ZNF837: variants seen among roughly 807,000 people sequenced by gnomAD.
ZNF837 encodes the protein zinc finger protein 837.
For synonymous variants in ZNF837, 475 were observed against 365.2 expected (o/e 1.30, Z -3.43); for missense variants, 955 against 801.7 (o/e 1.19, Z -2.31).
At position 58,367,846 on chromosome 19, in the gene ZNF837, G is replaced by A. The variant is rs766634854; in HGVS notation, c.1487C>T (p.Thr496Met). The stretch of plus-strand genomic sequence containing the variant: ...CGCGTAGGGCCGCTCGCCCGTGTGC[G>A]TGCGCAGGTGGCGCACCAGGCTGCA... Reference protein sequence around the residue: ...RNCSLVRHLRTHTGERPYACG... With the variant: ...RNCSLVRHLRMHTGERPYACG... Residue 496 changes from threonine to methionine, a missense_variant, in exon 3 of 3, where the codon ACG becomes ATG. Physicochemically the swap from Thr to Met is moderately conservative, Grantham distance 81 (BLOSUM62 -1). Transcript: ENST00000597582. 6.5e-6 allele frequency: 10 copies of A among 1,533,670 alleles called. No homozygotes were observed. The African/African-American group carries it at 6.9e-5, about 11-fold the overall frequency.
At chr19:58,370,625 G>A (rs990483918) in intron 1 of ZNF837, among the ~76,000 whole-genome samples, 11 of 152,200 alleles carry the variant, frequency 7.2e-5, no homozygotes, top group Non-Finnish European at 1.2e-4. Flanking sequence ...GCCGGGCACG[G>A]TAGCTCACGC....
intron 1 of ZNF837, among the ~76,000 whole-genome samples, chr19:58,380,009 C>T (rs2052276862): frequency 7.7e-6 from 1 of 130,402 alleles, no homozygotes; most frequent in Non-Finnish European, 1.8e-5. Flanking sequence ...ACAACAACAA[C>T]AACAACAACA....
chr19:58,374,931 T>G (rs2052229030), intron 1 of ZNF837, among the ~76,000 whole-genome samples: 1 of 134,836 alleles, frequency 7.4e-6, no homozygotes, highest in Non-Finnish European at 1.6e-5. Flanking sequence ...AGACTCCATC[T>G]CAAAAAAAAA....
intron 1 of ZNF837, among the ~76,000 whole-genome samples, chr19:58,375,148 A>G (rs1164964567): frequency 7.0e-6 from 1 of 143,452 alleles, no homozygotes; most frequent in Admixed American, 7.0e-5. Context: ...AGTCCCAGCT[A>G]CTTGAGAGGC....
rs1040284735 is a variant in ZNF837, at chr19:58,368,616, C to T, written c.717G>A (p.Gln239=). ...CTGGGGGACTCTTGCCCGCCTGCTG[C>T]TGCTGGTTGGGGCGGAAGCGCTTCC... The part of the protein sequence containing the change: ...RCGKRFRPNQ[Q]QQAGKSPPVC... The change falls in exon 3 of 3, where the codon CAG becomes CAA. Residue 239 remains glutamine (Q), a synonymous_variant. Transcript: ENST00000597582. 34 of 1,533,054 alleles carry T rather than the reference C, an allele frequency of 2.2e-5. No homozygotes were observed. The African/African-American group carries it at 2.6e-4, about 12-fold the overall frequency. The allele number at this position is 1,533,054 out of a possible 1,614,324, so 95.0% of individuals were successfully genotyped here. A position where few individuals can be genotyped will look rare whatever the true frequency, so the allele number is the denominator to read the frequency against.
Position 58,367,883 on chromosome 19 carries a change from A to G in ZNF837, c.1450T>C (p.Phe484Leu). The G allele has an allele frequency of 6.5e-7, 1 of 1,535,664 alleles. No individual in the cohort carries two copies. The highest frequency in any genetic ancestry group is 8.7e-7 in the Non-Finnish European group (1 of 1,144,280). The change falls in exon 3 of 3, where the codon TTC becomes CTC. Residue 484 changes from phenylalanine (F) to leucine (L), a missense_variant. Phe to Leu is a conservative substitution (Grantham distance 22). Coordinates refer to ENST00000597582, the MANE Select transcript of ZNF837 (RefSeq NM_138466.2). ...CGCACCAGGCTGCAGTTGCGCACGA[A>G]GGCCTTGCCGCAGTCGCGGCAGATG... is the stretch of plus-strand genomic sequence containing the variant. ...PYICRDCGKA[F>L]VRNCSLVRHL...
intron 1 of ZNF837, among the ~76,000 whole-genome samples, chr19:58,380,024 A>C (rs1285688132): frequency 8.3e-6 from 1 of 120,706 alleles, no homozygotes; most frequent in Admixed American, 7.9e-5. Flanking sequence ...ACAACAACAA[A>C]AACAGAATGT....
rs1280740013 is a variant in ZNF837 at position 58,368,318 on chromosome 19, G to T, written c.1015C>A (p.Leu339Met). The change falls in exon 3 of 3, where the codon CTG (leucine) becomes ATG (methionine). Residue 339 changes from leucine (L) to methionine (M), a missense_variant. Leu to Met is a conservative substitution (Grantham distance 15, BLOSUM62 2). Coordinates refer to ENST00000597582, the MANE Select transcript of ZNF837 (RefSeq NM_138466.2). ...GPVLARRAFR[L>M]GCPPCGDYSE... Reference sequence around the variant, plus strand: ...TAGTCCCCGCAGGGCGGGCACCCCAGCCGGAAGGCGCGCCGCGCCAGGACG... The same window carrying T: ...TAGTCCCCGCAGGGCGGGCACCCCATCCGGAAGGCGCGCCGCGCCAGGACG... 5 of 1,491,272 alleles carry T rather than the reference G, an allele frequency of 3.4e-6. No homozygotes were observed. The African/African-American group carries it at 5.7e-5, about 17-fold the overall frequency. 92.4% of individuals were successfully genotyped at this position (1,491,272 alleles called of 1,614,324 possible). A position where few individuals can be genotyped will look rare whatever the true frequency, so the allele number is the denominator to read the frequency against.
chr19:58,367,884 G>T lies in ZNF837; in HGVS notation c.1449C>A (p.Ala483=). The T allele has an allele frequency of 6.5e-7, 1 of 1,535,788 alleles. No individual in the cohort carries two copies. ...GCACCAGGCTGCAGTTGCGCACGAA[G>T]GCCTTGCCGCAGTCGCGGCAGATGT... ...KPYICRDCGK[A]FVRNCSLVRH... is the part of the protein sequence containing the mutation. The change falls in exon 3 of 3, where the codon GCC becomes GCA. Residue 483 remains alanine, a synonymous_variant. Transcript: ENST00000597582.
rs771542489 is a variant in ZNF837 at position 58,368,343 on chromosome 19, G to T, written c.990C>A (p.Pro330=). The change falls in exon 3 of 3, where the codon CCC becomes CCA. Residue 330 remains proline (P), a synonymous_variant. Transcript: ENST00000597582. The part of the protein sequence containing the change: ...THSAERHRRG[P]VLARRAFRLG... Reference sequence around the variant, plus strand: ...GCCGGAAGGCGCGCCGCGCCAGGACGGGGCCACGCCGGTGGCGCTCGGCCG... The same window carrying T: ...GCCGGAAGGCGCGCCGCGCCAGGACTGGGCCACGCCGGTGGCGCTCGGCCG... 2.0e-6 allele frequency: 3 copies of T among 1,523,246 alleles called. No individual in the cohort carries two copies. Among genetic ancestry groups the T allele is most frequent in the South Asian group, 1.2e-5 (1 of 82,468 alleles). The allele number at this position is 1,523,246 out of a possible 1,614,324, so 94.4% of individuals were successfully genotyped here. A position where few individuals can be genotyped will look rare whatever the true frequency, so the allele number is the denominator to read the frequency against.
rs759094400 is a variant in ZNF837, at chr19:58,369,120, C to T, written c.213G>A (p.Gly71=). The T allele has an allele frequency of 8.1e-6, 12 of 1,482,390 alleles. No individual in the cohort carries two copies. In the South Asian group the frequency reaches 1.2e-4, roughly 15 times the overall value. The allele number at this position is 1,482,390 out of a possible 1,614,324, so 91.8% of individuals were successfully genotyped here. A position where few individuals can be genotyped will look rare whatever the true frequency, so the allele number is the denominator to read the frequency against. ...PGGGSRGCSL[G]VSPGPGTRHS... is the part of the protein sequence containing the mutation. ...GCCGGGTCCCCGGGCCGGGGCTCAC[C>T]CCGAGGCTGCAGCCCCGGGAGCCCC... The change falls in exon 3 of 3, where the codon GGG becomes GGA. Residue 71 remains glycine (G), a synonymous_variant. Coordinates refer to ENST00000597582, the MANE Select transcript of ZNF837 (RefSeq NM_138466.2).
At chr19:58,373,012 G>A (rs1022870147) in intron 1 of ZNF837, among the ~76,000 whole-genome samples, 2 of 152,144 alleles carry the variant, frequency 1.3e-5, no homozygotes, top group Non-Finnish European at 2.9e-5. Context: ...AAGGACAAGG[G>A]GACTCTGGTG....
In ZNF837 at chr19:58,368,233, T is replaced by C. The variant is rs1444364544; in HGVS notation, c.1100A>G (p.Asp367Gly). Residue 367 changes from aspartate to glycine, a missense_variant, in exon 3 of 3, where the codon GAC becomes GGC. Transcript: ENST00000597582. ...GAACAGCCCGAAGGCCTTGGCGCAG[T>C]CGGCGCACTCGTACGGCTTCTCCCC... is the stretch of plus-strand genomic sequence containing the variant. ...GAGEKPYECA[D>G]CAKAFGLFSH... The C allele has an allele frequency of 1.3e-6, 2 of 1,514,274 alleles. No individual in the cohort carries two copies. Among genetic ancestry groups the C allele is most frequent in the South Asian group, 2.5e-5 (2 of 79,828 alleles). 93.8% of individuals were successfully genotyped at this position (1,514,274 alleles called of 1,614,324 possible). A position where few individuals can be genotyped will look rare whatever the true frequency, so the allele number is the denominator to read the frequency against.
intron 1 of ZNF837, among the ~76,000 whole-genome samples, chr19:58,370,462 A>G (rs545285959): frequency 6.6e-6 from 1 of 151,892 alleles, no homozygotes; most frequent in South Asian, 2.1e-4. Flanking sequence ...GTGAAGTAAC[A>G]TAGTCAGAGG....
intron 1 of ZNF837, among the ~76,000 whole-genome samples, chr19:58,377,526 C>CT (rs1411860279): frequency 3.3e-5 from 5 of 151,882 alleles, no homozygotes; most frequent in Non-Finnish European, 7.4e-5. Context: ...GTAGCCCCAG[C>CT]TGTCAGGAAG....
At chr19:58,370,579 A>G (rs1262965484) in intron 1 of ZNF837, among the ~76,000 whole-genome samples, 1 of 152,214 alleles carries the variant, frequency 6.6e-6, no homozygotes, top group Non-Finnish European at 1.5e-5. Flanking sequence ...TCATCTCCTA[A>G]GCAAGCAATT....
intron 1 of ZNF837, among the ~76,000 whole-genome samples, chr19:58,373,776 G>T (rs2052220092): frequency 6.6e-6 from 1 of 152,252 alleles, no homozygotes; most frequent in African/African-American, 2.4e-5. Flanking sequence ...AGTAGAGGGA[G>T]CTGGGCTCCC....
chr19:58,368,780 G>C lies in ZNF837; in HGVS notation c.553C>G (p.Pro185Ala), dbSNP rs1383296327. 1.3e-6 allele frequency: 2 copies of C among 1,543,500 alleles called. No individual in the cohort carries two copies. Among genetic ancestry groups the C allele is most frequent in the Non-Finnish European group, 1.7e-6 (2 of 1,146,644 alleles). ...AAGGGGTTCCTCCCGCGGGAGGTCGGCTTTGGGGTCCTCGGGCAGGTCGGA... is the reference window on the plus strand; with the variant it reads ...AAGGGGTTCCTCCCGCGGGAGGTCGCCTTTGGGGTCCTCGGGCAGGTCGGA... ...GAPTCPRTPK[P>A]TSRGRNPLVE... Residue 185 changes from proline to alanine, a missense_variant, in exon 3 of 3, where the codon CCG (proline) becomes GCG (alanine). Coordinates refer to ENST00000597582, the MANE Select transcript of ZNF837 (RefSeq NM_138466.2).
At chr19:58,369,673 A>T (rs2052182245) in intron 2 of ZNF837, 146 bp downstream of exon 2, 1 of 217,688 alleles carries the variant, frequency 4.6e-6, no homozygotes, top group Admixed American at 6.0e-5. Context: ...AGCAACAGGG[A>T]CTCCCCCGTT....
Sources: allele counts gnomAD v4.1 joint callset (sites outside exome capture counted in the v4.1 genomes callset), GRCh38; gene constraint gnomAD v4.1.1; transcripts MANE v1.5; gene names NCBI Gene and HGNC (gene_info 2026-07-23, HGNC 2026-07-21).